ASRGL1: variants seen among roughly 807,000 people sequenced by gnomAD.
ASRGL1 encodes asparaginase and isoaspartyl peptidase 1.
Under a neutral mutation model 22.4 loss-of-function variants are expected in ASRGL1, and 16 were observed. That is an observed-to-expected ratio of 0.71 (90% CI 0.48 to 1.08). The LOEUF is 1.08. Ranked by LOEUF, ASRGL1 falls within the 50% of genes least tolerant of loss-of-function variation. ASRGL1 has a pLI of 0.00. For missense variants in ASRGL1, 412 were observed against 410.1 expected (o/e 1.00, Z -0.04); for synonymous variants, 165 against 159.3 (o/e 1.04, Z -0.27).
intron 4 of ASRGL1, chr11:62,371,343 G>C (rs1047314031): frequency 8.3e-6 from 9 of 1,086,878 alleles, no homozygotes; most frequent in South Asian, 1.6e-5. Flanking sequence ...GCAAGCGCGC[G>C]GCGCAGCCTG....
chr11:62,362,622 TTATATAAAA>T (rs1946486537), intron 4 of ASRGL1, among the ~76,000 whole-genome samples: 1 of 75,968 alleles, frequency 1.3e-5, no homozygotes, highest in African/African-American at 5.8e-5. Context: ...ATATTATATA[TTATATAAAA>T]TATATATAAT....
At chr11:62,362,686 A>T (rs1315617742) in intron 4 of ASRGL1, among the ~76,000 whole-genome samples, 3 of 30,862 alleles carry the variant, frequency 9.7e-5, no homozygotes, top group African/African-American at 3.3e-4. Context: ...ATTATATAAA[A>T]TATATATTAT....
At chr11:62,395,238 G>A (rs1031180251), downstream of ASRGL1, among the ~76,000 whole-genome samples, 1 of 152,196 alleles carries the variant, frequency 6.6e-6, no homozygotes, top group Non-Finnish European at 1.5e-5. Flanking sequence ...CCTGGGCGCT[G>A]CCAGATGCCG....
intron 4 of ASRGL1, chr11:62,371,910 C>T (rs547161205): frequency 1.1e-5 from 6 of 570,336 alleles, no homozygotes; most frequent in Middle Eastern, 4.7e-4. Flanking sequence ...GCCGAGATCG[C>T]GCCACTGCAC....
chr11:62,362,645 T>A (rs12574213), intron 4 of ASRGL1, among the ~76,000 whole-genome samples: 2 of 48,590 alleles, frequency 4.1e-5, no homozygotes, highest in African/African-American at 9.3e-5. Flanking sequence ...ATATAATATA[T>A]AATATATATT....
chr11:62,348,438 TCA>T (rs1295647969), intron 2 of ASRGL1, among the ~76,000 whole-genome samples: 1 of 152,130 alleles, frequency 6.6e-6, no homozygotes, highest in Non-Finnish European at 1.5e-5. Flanking sequence ...GCGTGGTGAC[TCA>T]CGCCTGTAAT....
chr11:62,391,976 A>G, intron 6 of ASRGL1, 103 bp from the exon 7 acceptor site: 1 of 1,397,186 alleles, frequency 7.2e-7, no homozygotes, highest in Non-Finnish European at 1.0e-6. Flanking sequence ...TCATTTACCA[A>G]AAATCCTTGC....
At chr11:62,377,510 C>T (rs1946960578) in intron 4 of ASRGL1, among the ~76,000 whole-genome samples, 1 of 152,156 alleles carries the variant, frequency 6.6e-6, no homozygotes, top group Non-Finnish European at 1.5e-5. Context: ...CCTATGTAAG[C>T]TGCCTTTCCA....
chr11:62,372,252 T>C, intron 4 of ASRGL1: 1 of 1,565,150 alleles, frequency 6.4e-7, no homozygotes, highest in Non-Finnish European at 8.8e-7. Context: ...GAACCACACC[T>C]TGGCCTTGAC....
At chr11:62,340,031 G>T (rs1945825771) in intron 2 of ASRGL1, among the ~76,000 whole-genome samples, 1 of 152,038 alleles carries the variant, frequency 6.6e-6, no homozygotes, top group Non-Finnish European at 1.5e-5. Context: ...GAAAGCTGAG[G>T]TGGGCGGATC....
intron 6 of ASRGL1, 185 bp downstream of exon 6, chr11:62,391,817 G>A (rs1331923664): frequency 1.3e-6 from 1 of 788,094 alleles, no homozygotes; most frequent in Non-Finnish European, 2.0e-6. Flanking sequence ...AGAGCATTGA[G>A]TACTGTTATC....
At position 62,357,121 on chromosome 11, in the gene ASRGL1, T is replaced by C. The variant is rs762183576; in HGVS notation, c.468T>C (p.Gly156=). The C allele has an allele frequency of 1.2e-6, 2 of 1,613,594 alleles. No homozygotes were observed. The highest frequency in any genetic ancestry group is 1.7e-6 in the Non-Finnish European group (2 of 1,179,894). ...KRLEKEKHEK[G]AQKTDCQKNL... ...TGGAAAAAGAGAAGCATGAAAAAGG[T>C]GCTCAGAAAACAGATTGTCAAAAGT... The change falls in exon 4 of 7, where the codon GGT becomes GGC. Residue 156 remains glycine (G), a synonymous_variant. Transcript: ENST00000415229.
intron 4 of ASRGL1, chr11:62,372,437 A>G (rs746383038): frequency 3.0e-5 from 46 of 1,546,922 alleles, no homozygotes; most frequent in Non-Finnish European, 3.9e-5. Flanking sequence ...GGAAACCTCT[A>G]TTCCTTTGGG....
chr11:62,397,491 C>A (rs1485488097), downstream of ASRGL1, among the ~76,000 whole-genome samples: 2 of 151,714 alleles, frequency 1.3e-5, no homozygotes, highest in African/African-American at 4.8e-5. Flanking sequence ...ATGGAGAAAC[C>A]CCGTCTCTAC....
At chr11:62,352,010 C>T (rs1381627291) in intron 2 of ASRGL1, among the ~76,000 whole-genome samples, 1 of 152,200 alleles carries the variant, frequency 6.6e-6, no homozygotes, top group Non-Finnish European at 1.5e-5. Context: ...GTTAGGCCTG[C>T]TGGCAACAAA....
chr11:62,380,587 G>A (rs978002342), intron 4 of ASRGL1, among the ~76,000 whole-genome samples: 2 of 152,012 alleles, frequency 1.3e-5, no homozygotes, highest in African/African-American at 4.8e-5. Context: ...CTGTTCTTGT[G>A]CCCCATCAAT....
intron 4 of ASRGL1, chr11:62,371,165 G>A: frequency 1.7e-6 from 2 of 1,191,824 alleles, no homozygotes; most frequent in Non-Finnish European, 2.2e-6. Context: ...GTGGCGGCCT[G>A]GGAGGAGCTG....
chr11:62,384,857 G>T (rs959345554), intron 4 of ASRGL1, among the ~76,000 whole-genome samples: 2 of 135,508 alleles, frequency 1.5e-5, no homozygotes, highest in Admixed American at 7.8e-5. Context: ...GATGGAAGTT[G>T]CAGTGAGCCG....
chr11:62,350,254 T>C (rs143991076), intron 2 of ASRGL1, among the ~76,000 whole-genome samples: 96 of 152,320 alleles, frequency 6.3e-4, no homozygotes, highest in African/African-American at 2.3e-3. Context: ...CCATCTAAGT[T>C]GTTGCCCATA....
Sources: allele counts gnomAD v4.1 joint callset (sites outside exome capture counted in the v4.1 genomes callset), GRCh38; gene constraint gnomAD v4.1.1; transcripts MANE v1.5; gene names NCBI Gene and HGNC (gene_info 2026-07-23, HGNC 2026-07-21).